The following DPP6 variants were observed in gnomAD, a reference collection of about 807,000 sequenced individuals.
DPP6 encodes A-type potassium channel modulatory protein DPP6.
Under a neutral mutation model 122.6 loss-of-function variants are expected in DPP6, and 69 were observed. The observed-to-expected ratio is 0.56, with a 90% CI of 0.46 to 0.69. The LOEUF is 0.69. Ranked by LOEUF, DPP6 falls within the 30% of genes least tolerant of loss-of-function variation. The pLI is 0.00. For synonymous variants in DPP6, 418 were observed against 433.1 expected (o/e 0.97, Z 0.43); for missense variants, 928 against 1,116.9 (o/e 0.83, Z 2.41).
chr7:153,791,426 T>TTTTTTTTTTTTTC, the DPP6 span, among the ~76,000 whole-genome samples: 2 of 130,866 alleles, frequency 1.5e-5, 1 homozygote, highest in Non-Finnish European at 3.3e-5. Flanking sequence ...CTTCCTTTCT[T>TTTTTTTTTTTTTC]TTTTTTTTTT....
upstream of DPP6, among the ~76,000 whole-genome samples, chr7:153,884,836 T>C (rs57168261): frequency 0.062 from 9,308 of 151,236 alleles, 466 homozygotes; most frequent in East Asian, 0.25. Flanking sequence ...AAAAATTAGC[T>C]GGGCGTGGTG....
chr7:154,766,943 C>CGG (rs1049668592), intron 8 of DPP6, among the ~76,000 whole-genome samples: 1 of 152,126 alleles, frequency 6.6e-6, no homozygotes, highest in Admixed American at 6.5e-5. Flanking sequence ...GTGGAACCTA[C>CGG]GGGGTAGGAA....
intron 1 of DPP6, among the ~76,000 whole-genome samples, chr7:154,007,929 G>A (rs1460757373): frequency 1.1e-4 from 17 of 152,160 alleles, no homozygotes; most frequent in Non-Finnish European, 1.9e-4. Context: ...CCCGTATTCC[G>A]TTGGCCTGAA....
intron 1 of DPP6, among the ~76,000 whole-genome samples, chr7:154,431,429 C>G: frequency 6.7e-6 from 1 of 149,996 alleles, no homozygotes; most frequent in Non-Finnish European, 1.5e-5. Context: ...ATGTCAGGCT[C>G]TGTTTTTCTT....
intron 1 of DPP6, among the ~76,000 whole-genome samples, chr7:154,338,454 C>T (rs1158302729): frequency 2.6e-5 from 4 of 151,908 alleles, no homozygotes; most frequent in East Asian, 1.9e-4. Context: ...GGAGATACAC[C>T]GTGAAATAAA....
chr7:154,876,831 G>C (rs925085463), intron 20 of DPP6: 6 of 152,252 alleles, frequency 3.9e-5, no homozygotes, highest in African/African-American at 1.4e-4. Flanking sequence ...GAGGACTGCA[G>C]CACTTACTCT....
intron 1 of DPP6, among the ~76,000 whole-genome samples, chr7:154,107,223 G>A (rs180819378): frequency 6.6e-6 from 1 of 152,370 alleles, no homozygotes; most frequent in Admixed American, 6.5e-5. Context: ...GAAACGTGTG[G>A]TGTATGTACA....
Position 154,241,185 on chromosome 7 carries a change from A to ATGCGTGCGTG in DPP6, c.243+188124_243+188125insCGTGCGTGTG, listed in dbSNP as rs34454400. ...GCACAGTAGGTAATTCAATATCAAT[A>ATGCGTGCGTG]TGTGTGTGTGTGTGTGTGTGTGTGT... On this transcript the variant is annotated intron_variant, in intron 1 of 25. Transcript: ENST00000377770. The surrounding 1 kb of genome is among the most constrained non-coding windows in gnomAD (Gnocchi z 9.0). Among the ~76,000 whole-genome samples the ATGCGTGCGTG allele has an allele frequency of 1.5e-5, 2 of 136,212 alleles. No homozygotes were observed. The highest frequency in any genetic ancestry group is 5.6e-5 in the African/African-American group (2 of 35,690). 89.4% of individuals were successfully genotyped at this position (136,212 alleles called of 152,430 possible).
chr7:154,060,375 GT>G (rs1801593576), intron 1 of DPP6, among the ~76,000 whole-genome samples: 1 of 33,508 alleles, frequency 3.0e-5, no homozygotes. Context: ...CCAGCCCCTG[GT>G]TCCCCCACTG....
intron 1 of DPP6, among the ~76,000 whole-genome samples, chr7:154,427,774 G>C (rs1417096910): frequency 2.0e-5 from 3 of 152,272 alleles, no homozygotes; most frequent in African/African-American, 7.2e-5. Context: ...AACCATTGCA[G>C]GGCCTTCAAT....
intron 1 of DPP6, among the ~76,000 whole-genome samples, chr7:154,083,715 C>T (rs2150533715): frequency 6.7e-6 from 1 of 148,956 alleles, no homozygotes; most frequent in South Asian, 2.2e-4. Context: ...CCCAAGGCAT[C>T]TTCCTATGAG....
At position 154,584,593 on chromosome 7, in the gene DPP6, T is replaced by C. The variant is rs146779282; in HGVS notation, c.627+17677T>C. On this transcript the variant is annotated intron_variant, in intron 5 of 25. Transcript: ENST00000377770. ...TGAGTGTTTATGTGAAAGGAGTGTT[T>C]GCCACGTCGCTCGGGACGCCCATCC... 1.9e-4 allele frequency among the ~76,000 whole-genome samples: 29 copies of C among 152,360 alleles called. No homozygotes were observed. The East Asian group carries it at 5.2e-3, about 27-fold the overall frequency.
chr7:154,411,115 A>G (rs1816559367), intron 1 of DPP6, among the ~76,000 whole-genome samples: 1 of 152,246 alleles, frequency 6.6e-6, no homozygotes, highest in African/African-American at 2.4e-5. Context: ...AGTGATCTTT[A>G]TAAAGAAAAG....
At chr7:153,950,280 G>C (rs1802147879) in intron 1 of DPP6, among the ~76,000 whole-genome samples, 1 of 152,144 alleles carries the variant, frequency 6.6e-6, no homozygotes, top group African/African-American at 2.4e-5. Context: ...GGGAGTCCAG[G>C]CAGAGATGGC....
At chr7:154,750,146 T>G (rs1463485850) in intron 8 of DPP6, among the ~76,000 whole-genome samples, 4 of 152,174 alleles carry the variant, frequency 2.6e-5, no homozygotes, top group Admixed American at 2.0e-4. Context: ...TGCTGGGTCA[T>G]GGTCAAAAAC....
chr7:154,441,496 A>T (rs550068812), intron 1 of DPP6, among the ~76,000 whole-genome samples: 1 of 152,302 alleles, frequency 6.6e-6, no homozygotes, highest in East Asian at 1.9e-4. Flanking sequence ...TGCAGCGTTC[A>T]AAAATCGTCT....
intron 16 of DPP6, among the ~76,000 whole-genome samples, chr7:154,840,598 C>T (rs1398433882): frequency 1.3e-5 from 2 of 152,328 alleles, no homozygotes; most frequent in East Asian, 3.9e-4. Context: ...TGAGCATGTG[C>T]TCGGAAGTTT....
rs1006510330 is a variant in DPP6, at chr7:154,372,874, C to T, written c.244-73340C>T. ...CATGACACATAGGTGTGCTTGGTTA[C>T]AGACCAGCTTCCCCACCACCCAGGC... On this transcript the variant is annotated intron_variant, in intron 1 of 25. Transcript: ENST00000377770. 9.8e-5 allele frequency among the ~76,000 whole-genome samples: 15 copies of T among 152,296 alleles called. 1 individual carries two copies. The South Asian group carries it at 1.0e-3, about 11-fold the overall frequency.
At chr7:154,659,927 CGAGGGT>C (rs1563071278) in intron 6 of DPP6, among the ~76,000 whole-genome samples, 1 of 152,184 alleles carries the variant, frequency 6.6e-6, no homozygotes, top group East Asian at 1.9e-4. Context: ...TTCTGTAGGA[CGAGGGT>C]AGCTATTGTC....
Sources: gnomAD v4.1 joint callset for allele counts (sites outside exome capture counted in the v4.1 genomes callset) on GRCh38, gnomAD v4.1.1 for gene constraint, Gnocchi (gnomAD v3.1) non-coding constraint, MANE v1.5 for transcripts, NCBI Gene and HGNC (gene_info 2026-07-23, HGNC 2026-07-21) for gene names.